The following MAN1A2 variants were observed in gnomAD, a reference collection of about 807,000 sequenced individuals.
MAN1A2 encodes mannosyl-oligosaccharide 1,2-alpha-mannosidase IB.
MAN1A2 carries 26 observed loss-of-function variants against 75.7 expected under a neutral mutation model. The observed-to-expected ratio is 0.34, with a 90% confidence interval of 0.25 to 0.48. The LOEUF (loss-of-function observed/expected upper bound fraction) is 0.48. MAN1A2 is among the 20% of genes least tolerant of loss of function. The pLI is 0.99. For synonymous variants in MAN1A2, 247 were observed against 264.6 expected (o/e 0.93, Z 0.65); for missense variants, 562 against 775.5 (o/e 0.72, Z 3.27).
At chr1:117,468,087 T>C (rs1164348299) in intron 8 of MAN1A2, among the ~76,000 whole-genome samples, 2 of 152,146 alleles carry the variant, frequency 1.3e-5, no homozygotes, top group African/African-American at 4.8e-5. Flanking sequence ...GACTGGGTAA[T>C]TTATAAAGGA....
intron 6 of MAN1A2, among the ~76,000 whole-genome samples, chr1:117,447,077 A>C (rs1649257878): frequency 6.6e-6 from 1 of 151,974 alleles, no homozygotes; most frequent in African/African-American, 2.4e-5. Flanking sequence ...TAGCTGCTCT[A>C]CTTTATGCTT....
chr1:117,491,339 T>A (rs1266085032), intron 8 of MAN1A2, among the ~76,000 whole-genome samples: 4 of 152,066 alleles, frequency 2.6e-5, no homozygotes, highest in Non-Finnish European at 5.9e-5. Flanking sequence ...CTAGGGCCTC[T>A]AAGAATTTTG....
rs1648721522 is a variant in MAN1A2, at chr1:117,432,948, T to C, written c.856-9283T>C. On this transcript the variant is annotated intron_variant, in intron 5 of 12. Coordinates refer to ENST00000356554, the MANE Select transcript of MAN1A2 (RefSeq NM_006699.5). ...TATAAAAGATCTTTTATATTCTTTT[T>C]ATATAATATAAAAGATAATATATCA... Among the ~76,000 whole-genome samples the C allele has an allele frequency of 2.0e-5, 3 of 148,776 alleles. No homozygotes were observed. The South Asian group carries it at 6.2e-4, about 31-fold the overall frequency.
intron 12 of MAN1A2, among the ~76,000 whole-genome samples, chr1:117,509,712 G>C (rs1651471928): frequency 6.6e-6 from 1 of 151,638 alleles, no homozygotes; most frequent in Non-Finnish European, 1.5e-5. Context: ...ATAATGTGTA[G>C]CTCCTAAAAA....
intron 11 of MAN1A2, among the ~76,000 whole-genome samples, chr1:117,501,278 A>G (rs1166108041): frequency 1.3e-5 from 2 of 151,810 alleles, no homozygotes; most frequent in African/African-American, 2.4e-5. Flanking sequence ...TAGAGTAGTT[A>G]TACTCTAAAT....
chr1:117,438,327 T>TC (rs1336030474), intron 5 of MAN1A2, among the ~76,000 whole-genome samples: 1 of 152,000 alleles, frequency 6.6e-6, no homozygotes, highest in Non-Finnish European at 1.5e-5. Context: ...GAAAATCTTT[T>TC]TGTACAGCTG....
At chr1:117,373,915 AT>A (rs35568370) in intron 1 of MAN1A2, among the ~76,000 whole-genome samples, 117,905 of 151,378 alleles carry the variant, frequency 0.78, 46,138 homozygotes, top group African/African-American at 0.85. Context: ...ACATTAATTG[AT>A]TTTTTTTTTT....
chr1:117,418,475 A>G (rs566132444), intron 4 of MAN1A2, among the ~76,000 whole-genome samples: 1 of 152,292 alleles, frequency 6.6e-6, no homozygotes, highest in East Asian at 1.9e-4. Context: ...ATTAAAACTG[A>G]GAATAGAGGT....
At chr1:117,480,934 G>C (rs74112603) in intron 8 of MAN1A2, among the ~76,000 whole-genome samples, 20,821 of 151,700 alleles carry the variant, frequency 0.14, 1,659 homozygotes, top group South Asian at 0.21. Flanking sequence ...AGTTTCTAAT[G>C]GTTCGTTACC....
chr1:117,497,463 T>C (rs1409538298), intron 10 of MAN1A2, among the ~76,000 whole-genome samples: 2 of 151,968 alleles, frequency 1.3e-5, no homozygotes, highest in Non-Finnish European at 2.9e-5. Flanking sequence ...TTTTTGGAAT[T>C]GTTTATGGCT....
In MAN1A2 at chr1:117,376,336, A is replaced by G. The variant is rs551823323; in HGVS notation, c.302+7851A>G. 3.3e-5 allele frequency among the ~76,000 whole-genome samples: 5 copies of G among 152,334 alleles called. No homozygotes were observed. In the East Asian group the frequency reaches 9.6e-4, roughly 29 times the overall value. ...ACTCAAGTGAGTTTGGAGTGCAGGC[A>G]TACAGCTCCGCTTATTATGTAACCA... On this transcript the variant is annotated intron_variant, in intron 1 of 12. Transcript: ENST00000356554.
At chr1:117,455,756 A>G (rs905709874) in intron 6 of MAN1A2, among the ~76,000 whole-genome samples, 1 of 151,884 alleles carries the variant, frequency 6.6e-6, no homozygotes, top group Non-Finnish European at 1.5e-5. Context: ...TGGTACTGAG[A>G]GTGATTGGAA....
At chr1:117,504,781 T>A (rs1651299405) in intron 12 of MAN1A2, among the ~76,000 whole-genome samples, 1 of 151,450 alleles carries the variant, frequency 6.6e-6, no homozygotes, top group Non-Finnish European at 1.5e-5. Context: ...TTGACATTTT[T>A]AAAGTTTTCA....
At chr1:117,408,123 A>G (rs1000144757) in intron 3 of MAN1A2, among the ~76,000 whole-genome samples, 3 of 152,106 alleles carry the variant, frequency 2.0e-5, no homozygotes, top group Admixed American at 6.5e-5. Flanking sequence ...TCTAACAATG[A>G]TTAATAGTTA....
At chr1:117,446,542 T>C (rs1203731798) in intron 6 of MAN1A2, among the ~76,000 whole-genome samples, 1 of 152,166 alleles carries the variant, frequency 6.6e-6, no homozygotes, top group Non-Finnish European at 1.5e-5. Context: ...TTTTCTTCAA[T>C]GCATTAGTTT....
chr1:117,390,198 A>G (rs1008016539), intron 1 of MAN1A2, among the ~76,000 whole-genome samples: 2 of 152,172 alleles, frequency 1.3e-5, no homozygotes, highest in Admixed American at 6.5e-5. Context: ...AAGAGTTTCC[A>G]TAGAACTGGT....
At position 117,497,853 on chromosome 1, in the gene MAN1A2, A is replaced by G. The variant is rs147496490; in HGVS notation, c.1504+871A>G. On this transcript the variant is annotated intron_variant, in intron 10 of 12. Coordinates refer to ENST00000356554, the MANE Select transcript of MAN1A2 (RefSeq NM_006699.5). ...TAATGAGCTCCCTGAAAGCCAAAAA[A>G]CTAGAAATTTCTATTTGATTTCGGA... Among the ~76,000 whole-genome samples, 1,027 of 151,938 alleles carry G rather than the reference A, an allele frequency of 6.8e-3. 6 individuals are homozygous for G. The highest frequency in any genetic ancestry group is 0.023 in the African/African-American group (971 of 41,496).
chr1:117,377,074 A>G (rs917183036), intron 1 of MAN1A2, among the ~76,000 whole-genome samples: 2 of 152,194 alleles, frequency 1.3e-5, no homozygotes, highest in Non-Finnish European at 2.9e-5. Context: ...CCATATATAC[A>G]TGAACATATT....
At chr1:117,382,543 C>T (rs1056802837) in intron 1 of MAN1A2, among the ~76,000 whole-genome samples, 2 of 152,120 alleles carry the variant, frequency 1.3e-5, no homozygotes, top group African/African-American at 4.8e-5. Context: ...TGATCTATAT[C>T]TCTGTTTTGG....
Sources: gnomAD v4.1 joint callset for allele counts (sites outside exome capture counted in the v4.1 genomes callset) on GRCh38, gnomAD v4.1.1 for gene constraint, MANE v1.5 for transcripts, NCBI Gene and HGNC (gene_info 2026-07-23, HGNC 2026-07-21) for gene names.